The following ATP6V1H variants were observed in gnomAD, a reference collection of about 807,000 sequenced individuals.
ATP6V1H encodes the protein V-type proton ATPase subunit H.
In ATP6V1H, 39 loss-of-function variants were observed where a neutral mutation model predicts 71.7. The ratio of observed to expected loss-of-function variants is 0.54; its 90% CI spans 0.42 to 0.71. ATP6V1H has a LOEUF of 0.71. ATP6V1H is among the 30% of genes least tolerant of loss of function. The pLI is 0.00. For missense variants in ATP6V1H, 509 were observed against 594.9 expected (o/e 0.86, Z 1.50); for synonymous variants, 192 against 199.3 (o/e 0.96, Z 0.31).
At chr8:53,736,901 G>C (rs1585730493) in intron 13 of ATP6V1H, among the ~76,000 whole-genome samples, 1 of 152,326 alleles carries the variant, frequency 6.6e-6, no homozygotes, top group East Asian at 1.9e-4. Context: ...GCCTGGTCTG[G>C]TAGTTAAAAA....
rs577723070 is a variant in ATP6V1H at position 53,786,266 on chromosome 8, G to A, written c.870+9381C>T. ...GCACCCCTCCCCCAGCCTCGCTGCCGCCTTGCAGTTTGATCTCAGACTGCT... is the reference window on the plus strand; with the variant it reads ...GCACCCCTCCCCCAGCCTCGCTGCCACCTTGCAGTTTGATCTCAGACTGCT... On this transcript the variant is annotated intron_variant, in intron 9 of 13. Coordinates refer to ENST00000359530, the MANE Select transcript of ATP6V1H (RefSeq NM_015941.4). Among the ~76,000 whole-genome samples the A allele has an allele frequency of 3.8e-4, 58 of 152,264 alleles. 1 individual carries two copies. In the South Asian group the frequency reaches 0.01, roughly 27 times the overall value.
intron 9 of ATP6V1H, among the ~76,000 whole-genome samples, chr8:53,792,858 G>C (rs1809612738): frequency 6.6e-6 from 1 of 152,142 alleles, no homozygotes; most frequent in South Asian, 2.1e-4. Flanking sequence ...TTAAAAGCAC[G>C]CATCATATTG....
intron 2 of ATP6V1H, among the ~76,000 whole-genome samples, chr8:53,835,535 T>C (rs1053788857): frequency 2.6e-5 from 4 of 152,230 alleles, no homozygotes; most frequent in African/African-American, 9.7e-5. Flanking sequence ...CTGGGTTTTG[T>C]ACATACTACT....
chr8:53,811,037 T>C, intron 7 of ATP6V1H, 127 bp downstream of exon 7: 5 of 642,176 alleles, frequency 7.8e-6, no homozygotes, highest in Non-Finnish European at 1.1e-5. Flanking sequence ...ATAATACAAT[T>C]AACCTAACTG....
chr8:53,832,059 G>T (rs1811024943), intron 3 of ATP6V1H: 1 of 151,898 alleles, frequency 6.6e-6, no homozygotes, highest in Non-Finnish European at 1.5e-5. Context: ...TTCCATAAAT[G>T]GGAAATAATA....
At position 53,801,520 on chromosome 8, in the gene ATP6V1H, C is replaced by T. The variant is rs145533999; in HGVS notation, c.677+279G>A. ...GTTGATTTTTGCCTACATTCATCAT[C>T]AATTATTTTCTAAAATTTTTTATAT... On this transcript the variant is annotated intron_variant, in intron 8 of 13. Transcript: ENST00000359530. Among the ~76,000 whole-genome samples, 335 of 152,184 alleles carry T rather than the reference C, an allele frequency of 2.2e-3. 2 individuals carry two copies. Among genetic ancestry groups the T allele is most frequent in the African/African-American group, 7.8e-3 (324 of 41,520 alleles).
chr8:53,794,052 G>A (rs1262758862), intron 9 of ATP6V1H, among the ~76,000 whole-genome samples: 2 of 151,850 alleles, frequency 1.3e-5, no homozygotes, highest in African/African-American at 4.8e-5. Context: ...AAAGAAACTA[G>A]AAACACCACC....
chr8:53,831,255 G>C (rs1345370845), intron 3 of ATP6V1H, among the ~76,000 whole-genome samples: 1 of 152,198 alleles, frequency 6.6e-6, no homozygotes, highest in South Asian at 2.1e-4. Context: ...CCAGATGGTA[G>C]TGTCTACTAC....
chr8:53,817,638 T>A, intron 4 of ATP6V1H, 108 bp from the exon 5 acceptor site: 1 of 615,734 alleles, frequency 1.6e-6, no homozygotes, highest in Non-Finnish European at 2.8e-6. Flanking sequence ...CTTTTTTCAG[T>A]GTGTGTGTAT....
chr8:53,740,778 T>C (rs1252681045), intron 13 of ATP6V1H, among the ~76,000 whole-genome samples: 1 of 152,264 alleles, frequency 6.6e-6, no homozygotes, highest in African/African-American at 2.4e-5. Context: ...CATTTGGGGA[T>C]ATACTTTGCA....
At chr8:53,833,865 C>T (rs1368748442) in intron 2 of ATP6V1H, among the ~76,000 whole-genome samples, 2 of 152,080 alleles carry the variant, frequency 1.3e-5, no homozygotes, top group African/African-American at 4.8e-5. Flanking sequence ...CTGTCATCCC[C>T]AGTGAAGATG....
chr8:53,771,875 G>A, intron 10 of ATP6V1H, 114 bp downstream of exon 10: 1 of 898,674 alleles, frequency 1.1e-6, no homozygotes, highest in Non-Finnish European at 1.7e-6. Flanking sequence ...ACGTATTTTA[G>A]TGGACTCTCT....
chr8:53,787,369 A>C (rs187878148), intron 9 of ATP6V1H, among the ~76,000 whole-genome samples: 117 of 152,342 alleles, frequency 7.7e-4, no homozygotes, highest in Non-Finnish European at 1.5e-3. Flanking sequence ...GAACAGCCCC[A>C]CACACACAGA....
At position 53,801,902 on chromosome 8, in the gene ATP6V1H, CAAG is replaced by C. The variant is rs1487924390; in HGVS notation, c.580-9_580-7del. 1.7e-5 allele frequency: 27 copies of C among 1,611,072 alleles called. No individual in the cohort carries two copies. Among genetic ancestry groups the C allele is most frequent in the Non-Finnish European group, 2.0e-5 (23 of 1,178,832 alleles). On this transcript the variant is annotated splice_region_variant and splice_polypyrimidine_tract_variant and intron_variant, in intron 7 of 13. Coordinates refer to ENST00000359530, the MANE Select transcript of ATP6V1H (RefSeq NM_015941.4). Reference sequence around the variant, plus strand: ...CACTGCACATACTGCGAACTCTGCACAAGAAGAAGTGTTGAGTTTTTAAATGGG... The same window carrying C: ...CACTGCACATACTGCGAACTCTGCACAAGAAGTGTTGAGTTTTTAAATGGG...
At chr8:53,723,500 G>T (rs1806698161) in intron 13 of ATP6V1H, among the ~76,000 whole-genome samples, 1 of 152,138 alleles carries the variant, frequency 6.6e-6, no homozygotes, top group African/African-American at 2.4e-5. Context: ...TTACCCCTCG[G>T]TGGTTTTCCA....
chr8:53,833,251 A>G (rs1209523880), intron 2 of ATP6V1H, 165 bp from the exon 3 acceptor site: 7 of 570,604 alleles, frequency 1.2e-5, no homozygotes, highest in Non-Finnish European at 2.2e-5. Context: ...GTTTCTCCAC[A>G]AATAAGACAG....
chr8:53,799,895 T>G (rs571581728), intron 8 of ATP6V1H, among the ~76,000 whole-genome samples: 209 of 152,304 alleles, frequency 1.4e-3, no homozygotes, highest in African/African-American at 4.5e-3. Context: ...GCTAGTGCCT[T>G]CATCTTGGAC....
intron 12 of ATP6V1H, among the ~76,000 whole-genome samples, chr8:53,755,158 A>G (rs1405983721): frequency 6.6e-6 from 1 of 152,132 alleles, no homozygotes; most frequent in East Asian, 1.9e-4. Flanking sequence ...TTTTCCTTTG[A>G]GGAAAGCTCT....
At chr8:53,717,084 G>C (rs999615746) in intron 13 of ATP6V1H, among the ~76,000 whole-genome samples, 1 of 152,084 alleles carries the variant, frequency 6.6e-6, no homozygotes, top group African/African-American at 2.4e-5. Context: ...CTTGCCTATC[G>C]CCTATCAACT....
Sources: gnomAD v4.1 joint callset for allele counts (sites outside exome capture counted in the v4.1 genomes callset) on GRCh38, gnomAD v4.1.1 for gene constraint, MANE v1.5 for transcripts, NCBI Gene and HGNC (gene_info 2026-07-23, HGNC 2026-07-21) for gene names.